The following PCNP variants were observed in gnomAD, a reference collection of about 807,000 sequenced individuals.
The protein encoded by PCNP is PEST proteolytic signal-containing nuclear protein.
A neutral mutation model predicts 21.8 loss-of-function variants in PCNP; 6 were observed. The observed-to-expected ratio is 0.28, with a 90% CI of 0.15 to 0.54. The LOEUF (loss-of-function observed/expected upper bound fraction) is 0.54, where lower values mean the gene tolerates loss of function less well. Among genes scored for constraint, PCNP ranks in the 20% least tolerant of loss-of-function variants. The probability of loss-of-function intolerance (pLI) is 0.95; values close to 1 mark genes in which losing one functional copy is unlikely to be tolerated. For synonymous variants in PCNP, 67 were observed against 73.2 expected (o/e 0.92, Z 0.43); for missense variants, 161 against 215.5 (o/e 0.75, Z 1.58).
chr3:101,587,730 T>G (rs1258688374), intron 3 of PCNP, among the ~76,000 whole-genome samples: 1 of 151,722 alleles, frequency 6.6e-6, no homozygotes, highest in Non-Finnish European at 1.5e-5. Flanking sequence ...TATTTGAAGT[T>G]TCTTGGCATC....
intron 1 of PCNP, among the ~76,000 whole-genome samples, chr3:101,575,771 T>G (rs1350632649): frequency 2.6e-5 from 4 of 152,322 alleles, no homozygotes; most frequent in East Asian, 3.9e-4. Context: ...TGAGTGTCAT[T>G]ATAAATCCAC....
intron 2 of PCNP, among the ~76,000 whole-genome samples, chr3:101,581,586 A>G (rs1186943682): frequency 6.6e-6 from 1 of 151,942 alleles, no homozygotes; most frequent in African/African-American, 2.4e-5. Context: ...GGTGCACGCC[A>G]CCACGTCTGG....
At chr3:101,589,954 A>G (rs761554063) in intron 3 of PCNP, 4 of 406,176 alleles carry the variant, frequency 9.8e-6, no homozygotes, top group African/African-American at 2.1e-5. Flanking sequence ...AATGGGCAGC[A>G]TTTAGTAGCT....
chr3:101,584,150 G>A (rs1261799681), intron 2 of PCNP, among the ~76,000 whole-genome samples: 1 of 152,212 alleles, frequency 6.6e-6, no homozygotes, highest in Non-Finnish European at 1.5e-5. Context: ...TGAAACTAAA[G>A]TACCTAGGGG....
At chr3:101,585,131 T>G (rs1440513511) in intron 2 of PCNP, among the ~76,000 whole-genome samples, 1 of 152,240 alleles carries the variant, frequency 6.6e-6, no homozygotes, top group African/African-American at 2.4e-5. Context: ...TGGGAAGGTA[T>G]TACTAATCAT....
At chr3:101,580,834 T>C (rs937367372) in intron 2 of PCNP, among the ~76,000 whole-genome samples, 2 of 152,248 alleles carry the variant, frequency 1.3e-5, no homozygotes, top group African/African-American at 4.8e-5. Context: ...AATAGATTTC[T>C]TATTTAAGGA....
chr3:101,580,536 C>A (rs72931709), intron 2 of PCNP, among the ~76,000 whole-genome samples: 3,329 of 151,652 alleles, frequency 0.022, 120 homozygotes, highest in African/African-American at 0.077. Flanking sequence ...TAATATTGAG[C>A]AATCAGTTAT....
chr3:101,586,571 T>TGTGTGTGTGTGTGTGAGAGA, intron 3 of PCNP, among the ~76,000 whole-genome samples: 6 of 114,142 alleles, frequency 5.3e-5, no homozygotes, highest in African/African-American at 1.8e-4. Flanking sequence ...TGTGTGTGTG[T>TGTGTGTGTGTGTGTGAGAGA]GAGAGAGAGA....
chr3:101,574,385 C>A, intron 1 of PCNP, 106 bp downstream of exon 1: 1 of 1,356,364 alleles, frequency 7.4e-7, no homozygotes, highest in South Asian at 1.5e-5. Context: ...GGATCTGGAC[C>A]TCACCCGGCC....
intron 1 of PCNP, among the ~76,000 whole-genome samples, chr3:101,577,340 T>C (rs1027751542): frequency 6.6e-6 from 1 of 152,194 alleles, no homozygotes; most frequent in Non-Finnish European, 1.5e-5. Flanking sequence ...TACCAAGAAC[T>C]GCGTCAATGA....
chr3:101,587,089 A>G (rs1935568702), intron 3 of PCNP, among the ~76,000 whole-genome samples: 1 of 151,220 alleles, frequency 6.6e-6, no homozygotes, highest in Non-Finnish European at 1.5e-5. Flanking sequence ...CGTCTCTACT[A>G]AAAATACAAT....
At chr3:101,582,576 G>A (rs1224754051) in intron 2 of PCNP, among the ~76,000 whole-genome samples, 2 of 152,220 alleles carry the variant, frequency 1.3e-5, no homozygotes, top group East Asian at 1.9e-4. Context: ...ATGCTTATTT[G>A]TGTCCACAAC....
At position 101,592,622 on chromosome 3, in the gene PCNP, C is replaced by T; in HGVS notation, c.411-5C>T. On this transcript the variant is annotated splice_region_variant and splice_polypyrimidine_tract_variant and intron_variant, in intron 4 of 4. Coordinates refer to ENST00000265260, the MANE Select transcript of PCNP (RefSeq NM_020357.3). Reference sequence around the variant, plus strand: ...TTTAAATAAATTTTCTTTCTTTTAACACAGGGATACACCAACATCAGCTGG... The same window carrying T: ...TTTAAATAAATTTTCTTTCTTTTAATACAGGGATACACCAACATCAGCTGG... 1.9e-6 allele frequency: 3 copies of T among 1,586,134 alleles called. No homozygotes were observed. Among genetic ancestry groups the T allele is most frequent in the East Asian group, 2.2e-5 (1 of 44,582 alleles).
Position 101,590,205 on chromosome 3 carries a change from T to G in PCNP, c.355-10T>G, listed in dbSNP as rs568606853. 1 of 1,509,070 alleles carries G rather than the reference T, an allele frequency of 6.6e-7. No homozygotes were observed. Among genetic ancestry groups the G allele is most frequent in the African/African-American group, 1.4e-5 (1 of 72,848 alleles). 93.5% of individuals were successfully genotyped at this position (1,509,070 alleles called of 1,614,324 possible). ...TGCAGTTATCTTGGTTTACTTACTTTTTTCTTTAGAGTGAACCAGAGGAAA... is the reference window on the plus strand; with the variant it reads ...TGCAGTTATCTTGGTTTACTTACTTGTTTCTTTAGAGTGAACCAGAGGAAA... On this transcript the variant is annotated splice_polypyrimidine_tract_variant and intron_variant, in intron 3 of 4. Coordinates refer to ENST00000265260, the MANE Select transcript of PCNP (RefSeq NM_020357.3).
At chr3:101,588,271 C>CA (rs931676825) in intron 3 of PCNP, among the ~76,000 whole-genome samples, 4 of 151,486 alleles carry the variant, frequency 2.6e-5, no homozygotes, top group Admixed American at 6.6e-5. Context: ...ACTCCATCTC[C>CA]AAAAAAAATG....
Position 101,576,586 on chromosome 3 carries a change from C to G in PCNP, c.64+2307C>G, listed in dbSNP as rs1481951395. On this transcript the variant is annotated intron_variant, in intron 1 of 4. Transcript: ENST00000265260. ...AAGGCCCCAGAAGTGACGCAGCCCT[C>G]TATGGGCCCGAATCTTCTTCAGTCG... 8 of 1,610,968 alleles carry G rather than the reference C, an allele frequency of 5.0e-6. No individual in the cohort carries two copies. The South Asian group carries it at 5.5e-5, about 11-fold the overall frequency.
chr3:101,586,865 GA>G (rs1935556547), intron 3 of PCNP, among the ~76,000 whole-genome samples: 1 of 152,054 alleles, frequency 6.6e-6, no homozygotes, highest in African/African-American at 2.4e-5. Context: ...TTCTTAAGTG[GA>G]TAAGACTTAA....
At chr3:101,583,485 G>A (rs1244732894) in intron 2 of PCNP, among the ~76,000 whole-genome samples, 3 of 152,070 alleles carry the variant, frequency 2.0e-5, no homozygotes. Context: ...GCATGGCAGG[G>A]TGTGCCTATA....
At chr3:101,590,767 T>A (rs1471060201) in intron 4 of PCNP, among the ~76,000 whole-genome samples, 1 of 152,204 alleles carries the variant, frequency 6.6e-6, no homozygotes, top group Admixed American at 6.5e-5. Context: ...CAGGCTGGTC[T>A]GTAACTCCTG....
Sources: gnomAD v4.1 joint callset for allele counts (sites outside exome capture counted in the v4.1 genomes callset) on GRCh38, gnomAD v4.1.1 for gene constraint, MANE v1.5 for transcripts, NCBI Gene and HGNC (gene_info 2026-07-23, HGNC 2026-07-21) for gene names.